SIGLECL1: variants seen among roughly 807,000 people sequenced by gnomAD.
SIGLECL1 encodes the protein SIGLEC family like 1.
A neutral mutation model predicts 19.1 loss-of-function variants in SIGLECL1; 16 were observed. The observed-to-expected ratio is 0.84, with a 90% CI of 0.57 to 1.27. The LOEUF is 1.27. Ranked by LOEUF, SIGLECL1 falls within the 50% of genes most tolerant of loss-of-function variation. SIGLECL1 has a pLI of 0.00. For synonymous variants in SIGLECL1, 89 were observed against 90.4 expected, an observed-to-expected ratio of 0.98 and a Z score of 0.09; for missense variants, 210 against 239.4, an observed-to-expected ratio of 0.88 and a Z score of 0.81.
At chr19:51,249,654 G>A (rs1982379896), upstream of SIGLECL1, among the ~76,000 whole-genome samples, 1 of 152,072 alleles carries the variant, frequency 6.6e-6, no homozygotes, top group African/African-American at 2.4e-5. Context: ...TATTCTAGTG[G>A]CACAGTCAAA....
At chr19:51,263,654 A>G (rs1983401393) in intron 1 of SIGLECL1, among the ~76,000 whole-genome samples, 1 of 152,220 alleles carries the variant, frequency 6.6e-6, no homozygotes, top group Non-Finnish European at 1.5e-5. Context: ...GCTACTCGGG[A>G]GGCTAAGGCA....
chr19:51,267,236 G>C, intron 4 of SIGLECL1, 137 bp from the exon 5 acceptor site: 9 of 995,444 alleles, frequency 9.0e-6, no homozygotes, highest in Non-Finnish European at 1.3e-5. Flanking sequence ...CAGAGAGGAT[G>C]TGTGGCTTGC....
intron 4 of SIGLECL1, among the ~76,000 whole-genome samples, chr19:51,266,514 T>TA (rs34989367): frequency 0.03 from 4,122 of 137,244 alleles, 92 homozygotes; most frequent in African/African-American, 0.066. Flanking sequence ...TTCCAAAATC[T>TA]AAAAAAAAAA....
upstream of SIGLECL1, among the ~76,000 whole-genome samples, chr19:51,249,143 CT>C (rs1982357154): frequency 6.6e-6 from 1 of 152,108 alleles, no homozygotes; most frequent in Admixed American, 6.5e-5. Flanking sequence ...AGGGCAAGAG[CT>C]TTCAGGGATG....
In SIGLECL1 at chr19:51,268,615, C is replaced by G. The variant is rs1329778663; in HGVS notation, c.*18C>G. On this transcript the variant is annotated 3_prime_UTR_variant, in exon 6 of 6. Transcript: ENST00000601727. ...CCAGCTAAGCCTGTGGAACATGCCT[C>G]ATACCTGGAGTCGCCATTATCCCTG... 2 of 1,612,828 alleles carry G rather than the reference C, an allele frequency of 1.2e-6. No homozygotes were observed. Among genetic ancestry groups the G allele is most frequent in the East Asian group, 4.5e-5 (2 of 44,872 alleles).
chr19:51,248,032 C>T (rs1037714368), upstream of SIGLECL1, among the ~76,000 whole-genome samples: 2 of 152,242 alleles, frequency 1.3e-5, no homozygotes, highest in East Asian at 3.9e-4. Context: ...CATGGGAGTC[C>T]TTGGTAAGGC....
At chr19:51,265,918 C>T in intron 4 of SIGLECL1, 36 bp downstream of exon 4, 1 of 1,607,422 alleles carries the variant, frequency 6.2e-7, no homozygotes, top group South Asian at 1.1e-5. Flanking sequence ...CGCAAGCCTA[C>T]TACCGGGCAG....
In SIGLECL1 at chr19:51,268,589, G is replaced by A; in HGVS notation, c.586G>A (p.Ala196Thr). 1.2e-6 allele frequency: 2 copies of A among 1,613,962 alleles called. No homozygotes were observed. The highest frequency in any genetic ancestry group is 1.7e-6 in the Non-Finnish European group (2 of 1,179,994). ...CTTTCAGGAAAAGCAAGATAAACGA[G>A]CCAGCTAAGCCTGTGGAACATGCCT... ...SRILEKQDKRAS is the reference protein window; with the variant it reads ...SRILEKQDKRTS Residue 196 changes from alanine (A) to threonine (T), a missense_variant, in exon 6 of 6, where the codon GCC (alanine) becomes ACC (threonine). Coordinates refer to ENST00000601727, the MANE Select transcript of SIGLECL1 (RefSeq NM_001385465.1).
At chr19:51,256,950 G>A (rs973857619) in intron 1 of SIGLECL1, among the ~76,000 whole-genome samples, 10 of 151,900 alleles carry the variant, frequency 6.6e-5, no homozygotes, top group African/African-American at 2.2e-4. Flanking sequence ...AGTTTTGAGT[G>A]TATTATATAT....
chr19:51,253,349 A>C (rs991642144), intron 1 of SIGLECL1, among the ~76,000 whole-genome samples: 6 of 151,904 alleles, frequency 3.9e-5, no homozygotes, highest in African/African-American at 1.5e-4. Context: ...GCTAACCTTC[A>C]TATCTAGGCA....
At chr19:51,261,255 AT>A (rs2123423448) in intron 1 of SIGLECL1, among the ~76,000 whole-genome samples, 2 of 151,634 alleles carry the variant, frequency 1.3e-5, no homozygotes, top group South Asian at 4.2e-4. Context: ...TCTGGTTGGT[AT>A]TTGCTTGGTG....
chr19:51,261,475 A>G (rs1983217025), intron 1 of SIGLECL1, among the ~76,000 whole-genome samples: 1 of 151,956 alleles, frequency 6.6e-6, no homozygotes, highest in Non-Finnish European at 1.5e-5. Context: ...TTTTTAGTAG[A>G]GACGGGGTTT....
chr19:51,259,084 TAGTC>T (rs1182372785), intron 1 of SIGLECL1, among the ~76,000 whole-genome samples: 3 of 152,074 alleles, frequency 2.0e-5, no homozygotes, highest in South Asian at 2.1e-4. Flanking sequence ...AGTAGTAAAA[TAGTC>T]AGGGGATGGA....
chr19:51,258,753 A>T (rs893346854), intron 1 of SIGLECL1, among the ~76,000 whole-genome samples: 2 of 152,222 alleles, frequency 1.3e-5, no homozygotes, highest in African/African-American at 4.8e-5. Context: ...GGAAATCTTT[A>T]TAAACAGTTA....
Position 51,259,344 on chromosome 19 carries a change from G to A in SIGLECL1, c.-190-4539G>A, listed in dbSNP as rs148938489. ...TCCAACTATGGAAGAGTTCCCCTACGTACTATTATGAAACAGAAGGCATGT... is the reference window on the plus strand; with the variant it reads ...TCCAACTATGGAAGAGTTCCCCTACATACTATTATGAAACAGAAGGCATGT... On this transcript the variant is annotated intron_variant, in intron 1 of 5. Coordinates refer to ENST00000601727, the MANE Select transcript of SIGLECL1 (RefSeq NM_001385465.1). 3.3e-5 allele frequency among the ~76,000 whole-genome samples: 5 copies of A among 152,276 alleles called. No individual in the cohort carries two copies. The East Asian group carries it at 9.6e-4, about 29-fold the overall frequency.
chr19:51,265,761 T>C lies in SIGLECL1; in HGVS notation c.305-16T>C, dbSNP rs760831882. 55 of 1,614,148 alleles carry C rather than the reference T, an allele frequency of 3.4e-5. No individual in the cohort carries two copies. The South Asian group carries it at 4.8e-4, about 14-fold the overall frequency. On this transcript the variant is annotated splice_polypyrimidine_tract_variant and intron_variant, in intron 3 of 5. Transcript: ENST00000601727. ...TGGCTCCGATGCCAAACTTCTCACA[T>C]GCTCTCTGCTTCCAGGAAAGAGTTC...
At chr19:51,256,738 A>G (rs1206403198) in intron 1 of SIGLECL1, among the ~76,000 whole-genome samples, 1 of 152,250 alleles carries the variant, frequency 6.6e-6, no homozygotes, top group African/African-American at 2.4e-5. Context: ...ATCATTCCAC[A>G]GTGCATACAT....
chr19:51,265,950 C>T, intron 4 of SIGLECL1, 68 bp downstream of exon 4: 1 of 1,513,144 alleles, frequency 6.6e-7, no homozygotes, highest in East Asian at 2.3e-5. Flanking sequence ...AGCCCTGGCA[C>T]AGAGAGAGCA....
In SIGLECL1 at chr19:51,264,083, TG is replaced by T; in HGVS notation, c.12del (p.Leu5TyrfsTer53). ...TTGCTGCTGGAAGTGATGCTTCCAC[TG>T]CTACAGCTGGGTAAGTAAGGTGAGA... MLP[L>X]LQLVPAKLLN... On this transcript the variant is annotated frameshift_variant, in exon 2 of 6. Transcript: ENST00000601727. LOFTEE classifies it high-confidence loss of function. 1 of 1,614,050 alleles carries T rather than the reference TG, an allele frequency of 6.2e-7. No individual in the cohort carries two copies. Among genetic ancestry groups the T allele is most frequent in the Non-Finnish European group, 8.5e-7 (1 of 1,179,972 alleles).
Sources: gnomAD v4.1 joint callset for allele counts (sites outside exome capture counted in the v4.1 genomes callset) on GRCh38, gnomAD v4.1.1 for gene constraint, MANE v1.5 for transcripts, NCBI Gene and HGNC (gene_info 2026-07-23, HGNC 2026-07-21) for gene names.